Variants in TRPM3 observed in about 807,000 individuals in gnomAD.
The protein encoded by TRPM3 is long transient receptor potential channel 3.
In TRPM3, 77 loss-of-function variants were observed where a neutral mutation model predicts 181.2. The observed-to-expected ratio is 0.42, with a 90% confidence interval of 0.35 to 0.51. TRPM3 has a LOEUF of 0.51. TRPM3 is among the 20% of genes least tolerant of loss of function. The pLI is 0.01. For synonymous variants in TRPM3, 745 were observed against 796.4 expected (o/e 0.94, Z 1.09); for missense variants, 1,759 against 2,196.7 (o/e 0.80, Z 3.98).
chr9:70,896,483 T>C (rs1057492827), intron 1 of TRPM3, among the ~76,000 whole-genome samples: 1 of 152,178 alleles, frequency 6.6e-6, no homozygotes, highest in Admixed American at 6.5e-5. Context: ...CTTCAATTTA[T>C]TTTAAGCAGT....
intron 1 of TRPM3, among the ~76,000 whole-genome samples, chr9:70,992,429 A>C (rs2097496956): frequency 6.6e-6 from 1 of 152,170 alleles, no homozygotes; most frequent in South Asian, 2.1e-4. Context: ...CCGTTCATTC[A>C]GCAAATATTT....
At chr9:70,955,043 G>C (rs2097051789) in intron 1 of TRPM3, among the ~76,000 whole-genome samples, 1 of 152,110 alleles carries the variant, frequency 6.6e-6, no homozygotes, top group Admixed American at 6.6e-5. Context: ...TAGCTTCTGT[G>C]TATTTCCTGC....
chr9:71,227,324 C>A (rs2080746075), intron 1 of TRPM3, among the ~76,000 whole-genome samples: 1 of 151,796 alleles, frequency 6.6e-6, no homozygotes, highest in South Asian at 2.1e-4. Context: ...GCCACACATA[C>A]AAAACCTATG....
At chr9:71,123,407 C>T (rs879804413), upstream of TRPM3, among the ~76,000 whole-genome samples, 16 of 152,036 alleles carry the variant, frequency 1.1e-4, no homozygotes, top group Non-Finnish European at 2.1e-4. Context: ...AGTCCTTATC[C>T]GTACAATGGA....
At chr9:71,368,515 T>A (rs2092411325) in intron 1 of TRPM3, among the ~76,000 whole-genome samples, 1 of 152,106 alleles carries the variant, frequency 6.6e-6, no homozygotes, top group Non-Finnish European at 1.5e-5. Flanking sequence ...CCTAAGTCTA[T>A]CTTGTTCAAT....
At chr9:70,686,278 T>C (rs558181798) in intron 8 of TRPM3, among the ~76,000 whole-genome samples, 32 of 152,286 alleles carry the variant, frequency 2.1e-4, no homozygotes, top group Non-Finnish European at 3.7e-4. Context: ...GCATGTACCA[T>C]GACTTATTTA....
chr9:70,850,195 A>C (rs1309770094), intron 3 of TRPM3, among the ~76,000 whole-genome samples: 1 of 152,206 alleles, frequency 6.6e-6, no homozygotes, highest in Non-Finnish European at 1.5e-5. Flanking sequence ...GAAAAATGGC[A>C]TCTTTTGTGC....
chr9:71,123,991 A>G (rs558818889), upstream of TRPM3, among the ~76,000 whole-genome samples: 6 of 152,184 alleles, frequency 3.9e-5, no homozygotes, highest in Non-Finnish European at 8.8e-5. Flanking sequence ...CTTTGGTCAA[A>G]GAGAACTGTT....
At chr9:71,350,974 A>C (rs2132664926) in intron 1 of TRPM3, among the ~76,000 whole-genome samples, 1 of 152,242 alleles carries the variant, frequency 6.6e-6, no homozygotes, top group Admixed American at 6.5e-5. Context: ...TATTTCTAAA[A>C]CTTTCTGGAA....
chr9:71,364,436 T>C (rs2092266349), intron 1 of TRPM3, among the ~76,000 whole-genome samples: 1 of 152,198 alleles, frequency 6.6e-6, no homozygotes, highest in Non-Finnish European at 1.5e-5. Flanking sequence ...AATGTGCATG[T>C]GGTGGGCAGA....
chr9:71,297,117 G>A (rs1346722025), intron 1 of TRPM3, among the ~76,000 whole-genome samples: 46 of 148,942 alleles, frequency 3.1e-4, no homozygotes, highest in Non-Finnish European at 7.4e-5. Flanking sequence ...TCAGCCTCCC[G>A]AGTAGCTGGG....
intron 1 of TRPM3, among the ~76,000 whole-genome samples, chr9:71,424,168 G>T (rs1476963482): frequency 1.3e-5 from 2 of 152,042 alleles, no homozygotes; most frequent in Non-Finnish European, 2.9e-5. Flanking sequence ...GCACAGAGTT[G>T]GCCTTCCATT....
chr9:70,611,211 G>T (rs2061948084), intron 18 of TRPM3, among the ~76,000 whole-genome samples: 2 of 151,718 alleles, frequency 1.3e-5, no homozygotes, highest in South Asian at 4.2e-4. Flanking sequence ...TTATCCAAAG[G>T]TTGTGAATAC....
At chr9:70,955,625 T>G (rs143244380) in intron 1 of TRPM3, among the ~76,000 whole-genome samples, 262 of 152,306 alleles carry the variant, frequency 1.7e-3, no homozygotes, top group African/African-American at 5.6e-3. Flanking sequence ...AGGAAAGCGC[T>G]AGAACTAGAA....
intron 1 of TRPM3, among the ~76,000 whole-genome samples, chr9:71,135,809 T>C (rs2074730466): frequency 1.3e-5 from 2 of 152,178 alleles, no homozygotes; most frequent in African/African-American, 4.8e-5. Flanking sequence ...AAATTACAGA[T>C]CTGCTTCATT....
chr9:70,740,425 A>T (rs1486445033), intron 8 of TRPM3, among the ~76,000 whole-genome samples: 1 of 152,146 alleles, frequency 6.6e-6, no homozygotes, highest in Non-Finnish European at 1.5e-5. Flanking sequence ...CTAAAAATTC[A>T]ATGCAATTCC....
chr9:71,089,919 A>G (rs1390276833), intron 1 of TRPM3, among the ~76,000 whole-genome samples: 1 of 152,158 alleles, frequency 6.6e-6, no homozygotes, highest in Non-Finnish European at 1.5e-5. Context: ...GTCTTGGGCC[A>G]TGCATAAAAT....
intron 1 of TRPM3, among the ~76,000 whole-genome samples, chr9:70,896,467 C>T (rs1408958995): frequency 2.0e-5 from 3 of 152,028 alleles, no homozygotes; most frequent in South Asian, 2.1e-4. Context: ...CAGATAAGTG[C>T]CATATCTTCA....
intron 7 of TRPM3, among the ~76,000 whole-genome samples, chr9:70,779,879 C>T (rs2130775303): frequency 6.6e-6 from 1 of 151,930 alleles, no homozygotes; most frequent in Admixed American, 6.6e-5. Context: ...TCCATTATGC[C>T]AATGAGAAAA....
Sources: gnomAD v4.1 joint callset for allele counts (sites outside exome capture counted in the v4.1 genomes callset) on GRCh38, gnomAD v4.1.1 for gene constraint, MANE v1.5 for transcripts, NCBI Gene and HGNC (gene_info 2026-07-23, HGNC 2026-07-21) for gene names.